The following NKTR variants were observed in gnomAD, a reference collection of about 807,000 sequenced individuals.
NKTR encodes natural killer cell triggering receptor.
In NKTR, 67 loss-of-function variants were observed where a neutral mutation model predicts 156.3. That is an observed-to-expected ratio of 0.43 (90% CI 0.35 to 0.53). NKTR has a LOEUF of 0.53. Ranked by LOEUF, NKTR falls within the 20% of genes least tolerant of loss-of-function variation. NKTR has a pLI of 0.01. For synonymous variants in NKTR, 640 were observed against 596.6 expected (o/e 1.07, Z -1.06); for missense variants, 1,604 against 1,730.9 (o/e 0.93, Z 1.30).
At position 42,638,071 on chromosome 3, in the gene NKTR, A is replaced by G. The variant is rs1334496489; in HGVS notation, c.2367A>G (p.Arg789=). Residue 789 remains arginine, a synonymous_variant, in exon 13 of 17, where the codon AGA becomes AGG. Transcript: ENST00000232978. ...KTLHSKYVKG[R]DRSSCVRKYS... is the part of the protein sequence containing the mutation. ...TTCACAGTAAATATGTCAAAGGTAG[A>G]GACAGGTCTTCATGTGTGAGAAAGT... The G allele has an allele frequency of 3.7e-6, 6 of 1,614,064 alleles. No individual in the cohort carries two copies. Among genetic ancestry groups the G allele is most frequent in the Non-Finnish European group, 5.1e-6 (6 of 1,180,038 alleles).
rs756635757 is a variant in NKTR at position 42,638,743 on chromosome 3, A to G, written c.3039A>G (p.Ala1013=). The change falls in exon 13 of 17, where the codon GCA becomes GCG. Residue 1013 remains alanine (A), a synonymous_variant. Transcript: ENST00000232978. ...ATAAGGCTCCAAAACGAAAGCAAGC[A>G]TTTCACTGGCAGCCTCCACTAGAAT... is the stretch of plus-strand genomic sequence containing the variant. ...KKHKAPKRKQ[A]FHWQPPLEFG... is the part of the protein sequence containing the mutation. The G allele has an allele frequency of 2.5e-6, 4 of 1,614,138 alleles. No individual in the cohort carries two copies. The highest frequency in any genetic ancestry group is 1.7e-4 in the Middle Eastern group (1 of 6,060).
intron 3 of NKTR, 138 bp downstream of exon 3, chr3:42,617,782 C>G: frequency 3.7e-6 from 2 of 542,136 alleles, no homozygotes; most frequent in Non-Finnish European, 6.5e-6. Flanking sequence ...GTTACTTATA[C>G]TGACTTTTAT....
chr3:42,638,166 C>G lies in NKTR; in HGVS notation c.2462C>G (p.Ser821Ter). The G allele has an allele frequency of 6.2e-7, 1 of 1,612,400 alleles. No individual in the cohort carries two copies. The highest frequency in any genetic ancestry group is 8.5e-7 in the Non-Finnish European group (1 of 1,179,636). Reference protein sequence around the residue: ...SEQSSVQATQSAQEKEKQGQM... With the variant: ...SEQSSVQATQ ...CAGTCAAGTGTTCAGGCCACACAGT[C>G]AGCCCAGGAAAAAGAGAAGCAGGGC... The change falls in exon 13 of 17, where the codon TCA becomes TGA. Residue 821 changes from serine (S) to a stop codon, truncating the protein, a stop_gained. Transcript: ENST00000232978. LOFTEE classifies it high-confidence loss of function.
At position 42,638,890 on chromosome 3, in the gene NKTR, T is replaced by C; in HGVS notation, c.3186T>C (p.Ser1062=). 1 of 1,611,180 alleles carries C rather than the reference T, an allele frequency of 6.2e-7. No individual in the cohort carries two copies. Among genetic ancestry groups the C allele is most frequent in the Non-Finnish European group, 8.5e-7 (1 of 1,179,030 alleles). The change falls in exon 13 of 17, where the codon AGT becomes AGC. Residue 1062 remains serine, a synonymous_variant. Coordinates refer to ENST00000232978, the MANE Select transcript of NKTR (RefSeq NM_005385.4). ...ATATTCTAAAAACTGAGAAATCCAG[T>C]GAAGAGGACCTTTCAGGTAAACATG... ...KDNILKTEKS[S]EEDLSGKHDT...
At chr3:42,629,258 C>G in intron 6 of NKTR, 1 of 976,274 alleles carries the variant, frequency 1.0e-6, no homozygotes, top group Non-Finnish European at 1.2e-6. Flanking sequence ...TTTATAATTA[C>G]ATTGGCATGA....
chr3:42,628,124 A>T (rs1406559704), intron 6 of NKTR: 4 of 984,914 alleles, frequency 4.1e-6, no homozygotes, highest in African/African-American at 1.7e-5. Context: ...TTTTTGTTAA[A>T]TACTTTTAGT....
Position 42,638,747 on chromosome 3 carries a change from C to G in NKTR, c.3043C>G (p.His1015Asp), listed in dbSNP as rs778229614. 1 of 1,614,052 alleles carries G rather than the reference C, an allele frequency of 6.2e-7. No homozygotes were observed. The highest frequency in any genetic ancestry group is 1.1e-5 in the South Asian group (1 of 91,064). Residue 1015 changes from histidine (H) to aspartate (D), a missense_variant, in exon 13 of 17, where the codon CAC becomes GAC. By Grantham distance (81) the His-to-Asp change is moderately conservative. Transcript: ENST00000232978. ...HKAPKRKQAF[H>D]WQPPLEFGEE... is the part of the protein sequence containing the mutation. ...GGCTCCAAAACGAAAGCAAGCATTTCACTGGCAGCCTCCACTAGAATTTGG... is the reference window on the plus strand; with the variant it reads ...GGCTCCAAAACGAAAGCAAGCATTTGACTGGCAGCCTCCACTAGAATTTGG...
intron 2 of NKTR, among the ~76,000 whole-genome samples, chr3:42,603,635 G>A (rs1196041769): frequency 6.6e-6 from 1 of 151,574 alleles, no homozygotes; most frequent in Non-Finnish European, 1.5e-5. Flanking sequence ...ATTGTTCTAG[G>A]TTTAATCATT....
At chr3:42,641,925 C>G (rs997160685) in intron 13 of NKTR, among the ~76,000 whole-genome samples, 2 of 151,538 alleles carry the variant, frequency 1.3e-5, no homozygotes, top group Non-Finnish European at 2.9e-5. Flanking sequence ...CCCCTAGGTG[C>G]ATGCCTATGT....
At chr3:42,617,757 TAA>T (rs375352338) in intron 3 of NKTR, 113 bp downstream of exon 3, 645 of 453,920 alleles carry the variant, frequency 1.4e-3, no homozygotes, top group South Asian at 2.5e-3. Flanking sequence ...TTTTGTGAAT[TAA>T]AAAAAAAAAA....
At chr3:42,620,212 C>T in intron 5 of NKTR, 1 of 1,274,408 alleles carries the variant, frequency 7.8e-7, no homozygotes, top group African/African-American at 1.5e-5. Context: ...TTTTTCATTT[C>T]CCAATGGGTT....
Position 42,633,221 on chromosome 3 carries a change from G to A in NKTR, c.774-359G>A, listed in dbSNP as rs1709072462. The A allele has an allele frequency of 2.7e-5, 13 of 480,666 alleles. No homozygotes were observed. The South Asian group carries it at 5.4e-4, about 20-fold the overall frequency. The allele number at this position is 480,666 out of a possible 1,614,324, so 29.8% of individuals were successfully genotyped here. A position where few individuals can be genotyped will look rare whatever the true frequency, so the allele number is the denominator to read the frequency against. Reference sequence around the variant, plus strand: ...TGCTTGGCTAATTTTTAAATTTTTTGTAGAGACAGGGTCTTCCGCTATGTT... The same window carrying A: ...TGCTTGGCTAATTTTTAAATTTTTTATAGAGACAGGGTCTTCCGCTATGTT... On this transcript the variant is annotated intron_variant, in intron 9 of 16. Coordinates refer to ENST00000232978, the MANE Select transcript of NKTR (RefSeq NM_005385.4).
chr3:42,608,097 C>A (rs1706414802), intron 2 of NKTR, among the ~76,000 whole-genome samples: 1 of 147,888 alleles, frequency 6.8e-6, no homozygotes, highest in African/African-American at 2.5e-5. Flanking sequence ...TCAAGAGATT[C>A]TCGTGCCTCA....
intron 7 of NKTR, 153 bp from the exon 8 acceptor site, chr3:42,631,018 A>G (rs577854671): frequency 7.1e-7 from 1 of 1,415,594 alleles, no homozygotes; most frequent in East Asian, 2.6e-5. Flanking sequence ...AGCAGATTTC[A>G]AGTTCTCATT....
Position 42,639,667 on chromosome 3 carries a change from T to G in NKTR, c.3963T>G (p.Ser1321=). 1 of 1,614,050 alleles carries G rather than the reference T, an allele frequency of 6.2e-7. No homozygotes were observed. The change falls in exon 13 of 17, where the codon TCT becomes TCG. Residue 1321 remains serine (S), a synonymous_variant. Coordinates refer to ENST00000232978, the MANE Select transcript of NKTR (RefSeq NM_005385.4). The part of the protein sequence containing the change: ...SRSPSRSRSK[S]ETKSRHRTRS... Reference sequence around the variant, plus strand: ...GTCCAAGTAGATCTCGAAGTAAATCTGAAACCAAATCAAGACACAGAACAA... The same window carrying G: ...GTCCAAGTAGATCTCGAAGTAAATCGGAAACCAAATCAAGACACAGAACAA...
At chr3:42,605,805 T>C (rs1422849702) in intron 2 of NKTR, among the ~76,000 whole-genome samples, 3 of 152,218 alleles carry the variant, frequency 2.0e-5, no homozygotes, top group African/African-American at 7.2e-5. Context: ...CTCATTAACC[T>C]GTTATATTAT....
intron 3 of NKTR, among the ~76,000 whole-genome samples, chr3:42,618,308 G>A (rs921700937): frequency 6.8e-5 from 10 of 146,490 alleles, no homozygotes; most frequent in African/African-American, 2.5e-4. Flanking sequence ...CCAAGATTGC[G>A]CCATTGCACT....
chr3:42,625,039 TG>T (rs1708249172), intron 6 of NKTR, among the ~76,000 whole-genome samples: 1 of 152,198 alleles, frequency 6.6e-6, no homozygotes, highest in Non-Finnish European at 1.5e-5. Context: ...TATAAAAATA[TG>T]GATGTAAAAG....
At chr3:42,623,613 A>G (rs1267637745) in intron 6 of NKTR, among the ~76,000 whole-genome samples, 1 of 152,102 alleles carries the variant, frequency 6.6e-6, no homozygotes, top group Non-Finnish European at 1.5e-5. Context: ...CTTTGAAACT[A>G]TGTTTTTACA....
Sources: allele counts gnomAD v4.1 joint callset (sites outside exome capture counted in the v4.1 genomes callset), GRCh38; gene constraint gnomAD v4.1.1; transcripts MANE v1.5; gene names NCBI Gene and HGNC (gene_info 2026-07-23, HGNC 2026-07-21).